KCNQ1: variants seen among roughly 807,000 people sequenced by gnomAD.
KCNQ1 encodes the protein potassium voltage-gated channel subfamily KQT member 1.
Under a neutral mutation model 72.4 loss-of-function variants are expected in KCNQ1, and 49 were observed. The observed-to-expected ratio is 0.68, with a 90% CI of 0.54 to 0.86. The LOEUF (loss-of-function observed/expected upper bound fraction) is 0.86. Ranked by LOEUF, KCNQ1 falls within the 40% of genes least tolerant of loss-of-function variation. The pLI is 0.00. For missense variants in KCNQ1, 790 were observed against 945.1 expected, an observed-to-expected ratio of 0.84 and a Z score of 2.15; for synonymous variants, 450 against 412.6, an observed-to-expected ratio of 1.09 and a Z score of -1.10.
rs529612949 is a variant in KCNQ1, at chr11:2,806,688, C to T, written c.1794+28651C>T. On this transcript the variant is annotated intron_variant, in intron 15 of 15. Transcript: ENST00000155840. ...CTGGGGGATCCCCATTCATTCTCTC[C>T]GTGGGCATCATCAGAGGCTCAGCTG... 3.7e-4 allele frequency among the ~76,000 whole-genome samples: 56 copies of T among 152,340 alleles called. No homozygotes were observed. In the South Asian group the frequency reaches 0.011, roughly 30 times the overall value.
At chr11:2,697,730 A>G (rs1261572372) in intron 11 of KCNQ1, 1 of 398,632 alleles carries the variant, frequency 2.5e-6, no homozygotes. Context: ...CACTTGTTTA[A>G]GAATTGTTGT....
At position 2,766,181 on chromosome 11, in the gene KCNQ1, T is replaced by C. The variant is rs1281686827; in HGVS notation, c.1515-2663T>C. 1.3e-5 allele frequency among the ~76,000 whole-genome samples: 2 copies of C among 152,238 alleles called. No homozygotes were observed. Among genetic ancestry groups the C allele is most frequent in the Non-Finnish European group, 2.9e-5 (2 of 68,040 alleles). On this transcript the variant is annotated intron_variant, in intron 11 of 15. Coordinates refer to ENST00000155840, the MANE Select transcript of KCNQ1 (RefSeq NM_000218.3). This position sits in a 1 kb window ranked among gnomAD's most constrained non-coding sequence, Gnocchi z 4.4. ...TTTCATCTATTTTCTTGAACCTATT[T>C]ATCATGGTTATTTTGAAGTCTTCAT...
rs58284663 is a variant in KCNQ1 at position 2,756,951 on chromosome 11, T to TAAAAAAAAAAA, written c.1515-11873_1515-11863dup. ...TTTCCCAACTTGATCAAGAGCATCT[T>TAAAAAAAAAAA]AAAAAAAAAAAAAAAAAAAAAAAAA... On this transcript the variant is annotated intron_variant, in intron 11 of 15. Transcript: ENST00000155840. Among the ~76,000 whole-genome samples, 25 of 50,996 alleles carry TAAAAAAAAAAA rather than the reference T, an allele frequency of 4.9e-4. 2 individuals carry two copies. The highest frequency in any genetic ancestry group is 1.6e-3 in the African/African-American group (24 of 14,986). 33.5% of individuals were successfully genotyped at this position (50,996 alleles called of 152,430 possible).
chr11:2,531,442 G>C (rs1461271712), intron 2 of KCNQ1, among the ~76,000 whole-genome samples: 1 of 152,088 alleles, frequency 6.6e-6, no homozygotes, highest in East Asian at 1.9e-4. Context: ...ATGCAGCCCT[G>C]CCCAGGCAGG....
rs143544345 is a variant in KCNQ1, at chr11:2,760,711, G to A, written c.1515-8133G>A. ...ACGGCCCAGTGAGCCCAAGGCCTCC[G>A]TCCTGCCCCCTGTCTCTTACCAGCT... On this transcript the variant is annotated intron_variant, in intron 11 of 15. Coordinates refer to ENST00000155840, the MANE Select transcript of KCNQ1 (RefSeq NM_000218.3). Among the ~76,000 whole-genome samples, 32 of 152,320 alleles carry A rather than the reference G, an allele frequency of 2.1e-4. No individual in the cohort carries two copies. The East Asian group carries it at 2.1e-3, about 10-fold the overall frequency.
At chr11:2,582,691 C>G (rs1848518791) in intron 6 of KCNQ1, among the ~76,000 whole-genome samples, 1 of 152,208 alleles carries the variant, frequency 6.6e-6, no homozygotes, top group Non-Finnish European at 1.5e-5. Flanking sequence ...CTGAGGGCCA[C>G]TCTGGGTCTC....
rs979009386 is a variant in KCNQ1 at position 2,471,170 on chromosome 11, C to G, written c.386+25686C>G. ...AACGGCTGGGGAACAAGGGCTGACT[C>G]GGCTGCAATCATCCTGCAGCCAGAC... is the stretch of plus-strand genomic sequence containing the variant. On this transcript the variant is annotated intron_variant, in intron 1 of 15. Coordinates refer to ENST00000155840, the MANE Select transcript of KCNQ1 (RefSeq NM_000218.3). The surrounding 1 kb of genome is among the most constrained non-coding windows in gnomAD (Gnocchi z 4.8). Among the ~76,000 whole-genome samples, 1 of 152,074 alleles carries G rather than the reference C, an allele frequency of 6.6e-6. No homozygotes were observed. Among genetic ancestry groups the G allele is most frequent in the Non-Finnish European group, 1.5e-5 (1 of 68,016 alleles).
intron 10 of KCNQ1, chr11:2,640,795 AT>A: frequency 2.5e-6 from 1 of 398,514 alleles, no homozygotes; most frequent in South Asian, 1.3e-4. Flanking sequence ...CTAGCTGTGT[AT>A]TTTTACCCAC....
At chr11:2,510,215 G>T (rs1847176135) in intron 1 of KCNQ1, among the ~76,000 whole-genome samples, 1 of 151,134 alleles carries the variant, frequency 6.6e-6, no homozygotes, top group Non-Finnish European at 1.5e-5. Context: ...GGAGTTCAAG[G>T]TTGCAGCAAG....
At chr11:2,577,512 C>T (rs1162388200) in intron 6 of KCNQ1, among the ~76,000 whole-genome samples, 5 of 152,206 alleles carry the variant, frequency 3.3e-5, no homozygotes, top group Non-Finnish European at 5.9e-5. Flanking sequence ...ACCACCAGCC[C>T]GTGTGTGGGG....
chr11:2,670,019 C>T lies in KCNQ1; in HGVS notation c.1514+7938C>T, dbSNP rs774919504. 12 of 398,424 alleles carry T rather than the reference C, an allele frequency of 3.0e-5. No individual in the cohort carries two copies. The highest frequency in any genetic ancestry group is 1.3e-4 in the South Asian group (1 of 7,854). The allele number at this position is 398,424 out of a possible 1,614,324, so 24.7% of individuals were successfully genotyped here. A position where few individuals can be genotyped will look rare whatever the true frequency, so the allele number is the denominator to read the frequency against. The stretch of plus-strand genomic sequence containing the variant: ...TGGGGTTCAGGAGCTGTTGGGGTCC[C>T]GTGGAGGTACAGGCGGAAACCTAGC... On this transcript the variant is annotated intron_variant, in intron 11 of 15. Coordinates refer to ENST00000155840, the MANE Select transcript of KCNQ1 (RefSeq NM_000218.3). This position sits in a 1 kb window ranked among gnomAD's most constrained non-coding sequence, Gnocchi z 4.9.
At chr11:2,650,496 T>G in intron 10 of KCNQ1, 1 of 398,642 alleles carries the variant, frequency 2.5e-6, no homozygotes, top group East Asian at 3.6e-5. Context: ...GTGTGGTGTC[T>G]CTACAATTAA....
intron 11 of KCNQ1, chr11:2,675,213 C>T: frequency 2.5e-6 from 1 of 398,544 alleles, no homozygotes. Flanking sequence ...GTCATTTCCC[C>T]AGAATAGCCA....
chr11:2,801,193 G>C (rs1022365045), intron 15 of KCNQ1, among the ~76,000 whole-genome samples: 3 of 152,196 alleles, frequency 2.0e-5, no homozygotes, highest in African/African-American at 7.2e-5. Flanking sequence ...AGGCTCCCCA[G>C]TTCCAACAGG....
chr11:2,708,500 C>G (rs1279973021), intron 11 of KCNQ1, among the ~76,000 whole-genome samples: 3 of 152,166 alleles, frequency 2.0e-5, no homozygotes, highest in African/African-American at 7.2e-5. Context: ...CCAGGCTTAT[C>G]CCCCTGGTGG....
chr11:2,542,970 A>G (rs1847852126), intron 2 of KCNQ1, among the ~76,000 whole-genome samples: 4 of 151,972 alleles, frequency 2.6e-5, no homozygotes. Flanking sequence ...AAACTGGCTA[A>G]CTCATCAACC....
In KCNQ1 at chr11:2,728,417, A is replaced by G. The variant is rs571650075; in HGVS notation, c.1515-40427A>G. ...GTTAGCTGCTTTTTCTATAGGACCT[A>G]CCGAGCGTTTGACTCTAGAACCGGG... On this transcript the variant is annotated intron_variant, in intron 11 of 15. Transcript: ENST00000155840. 2.6e-5 allele frequency among the ~76,000 whole-genome samples: 4 copies of G among 152,334 alleles called. No individual in the cohort carries two copies. The South Asian group carries it at 8.3e-4, about 32-fold the overall frequency.
At position 2,703,497 on chromosome 11, in the gene KCNQ1, G is replaced by A. The variant is rs541502461; in HGVS notation, c.1514+41416G>A. Among the ~76,000 whole-genome samples, 9 of 152,284 alleles carry A rather than the reference G, an allele frequency of 5.9e-5. No homozygotes were observed. Among genetic ancestry groups the A allele is most frequent in the South Asian group, 2.1e-4 (1 of 4,822 alleles). On this transcript the variant is annotated intron_variant, in intron 11 of 15. Transcript: ENST00000155840. This position sits in a 1 kb window ranked among gnomAD's most constrained non-coding sequence, Gnocchi z 6.4. Reference sequence around the variant, plus strand: ...AGCCTGTGCACCCGAGAGCACGCACGCACACACGCACTCACAGCTGAAGAG... The same window carrying A: ...AGCCTGTGCACCCGAGAGCACGCACACACACACGCACTCACAGCTGAAGAG...
rs2134062720 is a variant in KCNQ1, at chr11:2,826,850, C to G, written c.1795-20917C>G. 6.6e-6 allele frequency among the ~76,000 whole-genome samples: 1 copy of G among 152,348 alleles called. No homozygotes were observed. The highest frequency in any genetic ancestry group is 1.5e-5 in the Non-Finnish European group (1 of 68,036). The stretch of plus-strand genomic sequence containing the variant: ...GCCAGAGAGACACACAGGCCAGCAG[C>G]CTGTAAACCACTGGGTGTGGGGTGT... On this transcript the variant is annotated intron_variant, in intron 15 of 15. Coordinates refer to ENST00000155840, the MANE Select transcript of KCNQ1 (RefSeq NM_000218.3). This position sits in a 1 kb window ranked among gnomAD's most constrained non-coding sequence, Gnocchi z 4.2.
Sources: allele counts gnomAD v4.1 joint callset (sites outside exome capture counted in the v4.1 genomes callset), GRCh38; gene constraint gnomAD v4.1.1; non-coding constraint Gnocchi (gnomAD v3.1); transcripts MANE v1.5; gene names NCBI Gene and HGNC (gene_info 2026-07-23, HGNC 2026-07-21).